The following PSPC1 variants were observed in gnomAD, a reference collection of about 807,000 sequenced individuals.
PSPC1 encodes paraspeckle component 1.
A neutral mutation model predicts 51.6 loss-of-function variants in PSPC1; 14 were observed. The observed-to-expected ratio is 0.27, with a 90% confidence interval of 0.18 to 0.42. PSPC1 has a LOEUF of 0.42. PSPC1 is among the 10% of genes least tolerant of loss of function. The pLI is 1.00. For missense variants in PSPC1, 406 were observed against 701.1 expected (o/e 0.58, Z 4.75); for synonymous variants, 193 against 231.9 (o/e 0.83, Z 1.53).
intron 1 of PSPC1, among the ~76,000 whole-genome samples, chr13:19,777,429 CAAA>C (rs397938970): frequency 5.4e-4 from 26 of 47,906 alleles, no homozygotes; most frequent in South Asian, 1.5e-3. Flanking sequence ...GACCTCAGCT[CAAA>C]AAAAAAAAAA....
chr13:19,708,152 T>C (rs998981731), intron 7 of PSPC1, among the ~76,000 whole-genome samples: 4 of 152,196 alleles, frequency 2.6e-5, no homozygotes, highest in African/African-American at 9.7e-5. Flanking sequence ...TGACTCTACA[T>C]TATCTGATTA....
At chr13:19,690,447 T>C (rs909269840) in intron 6 of PSPC1, among the ~76,000 whole-genome samples, 29 of 152,208 alleles carry the variant, frequency 1.9e-4, no homozygotes, top group Non-Finnish European at 3.8e-4. Flanking sequence ...TTCTCTTCAA[T>C]GTATAACAAA....
At chr13:19,688,796 C>T (rs950353799) in intron 6 of PSPC1, among the ~76,000 whole-genome samples, 4 of 152,114 alleles carry the variant, frequency 2.6e-5, no homozygotes, top group African/African-American at 9.7e-5. Flanking sequence ...ATAACAATGA[C>T]ATAATCTCTT....
intron 4 of PSPC1, among the ~76,000 whole-genome samples, chr13:19,746,011 T>TC (rs1885939745): frequency 6.8e-6 from 1 of 147,972 alleles, no homozygotes; most frequent in Non-Finnish European, 1.5e-5. Context: ...TGTTTTTTGT[T>TC]TTTTTTTTTT....
In PSPC1 at chr13:19,771,635, T is replaced by G. The variant is rs536236626; in HGVS notation, c.674+607A>C. Among the ~76,000 whole-genome samples the G allele has an allele frequency of 1.0e-3, 122 of 119,574 alleles. 1 individual carries two copies. Among genetic ancestry groups the G allele is most frequent in the African/African-American group, 3.4e-3 (114 of 33,518 alleles). The allele number at this position is 119,574 out of a possible 152,430, so 78.4% of individuals were successfully genotyped here. A position where few individuals can be genotyped will look rare whatever the true frequency, so the allele number is the denominator to read the frequency against. On this transcript the variant is annotated intron_variant, in intron 2 of 8. Transcript: ENST00000338910. ...ATTTTTAGAAGAGATGAGGTTTTGT[T>G]TTTTTTTTTGAGACAGAGTCTGTCA...
At chr13:19,739,743 C>A (rs1885230410) in intron 5 of PSPC1, among the ~76,000 whole-genome samples, 1 of 150,496 alleles carries the variant, frequency 6.6e-6, no homozygotes, top group East Asian at 1.9e-4. Context: ...AACTCCGTCT[C>A]CAAAATAAAA....
downstream of PSPC1, chr13:19,672,848 C>T: frequency 3.0e-6 from 1 of 332,924 alleles, no homozygotes; most frequent in Non-Finnish European, 5.9e-6. Context: ...ACCTATAATC[C>T]CAGCGCTTTG....
At chr13:19,733,488 C>T (rs1349902787) in intron 5 of PSPC1, among the ~76,000 whole-genome samples, 1 of 152,042 alleles carries the variant, frequency 6.6e-6, no homozygotes, top group Non-Finnish European at 1.5e-5. Flanking sequence ...CGGCCATGCA[C>T]AGTGACTCAT....
At chr13:19,694,357 A>G (rs1878962107) in intron 6 of PSPC1, among the ~76,000 whole-genome samples, 1 of 152,030 alleles carries the variant, frequency 6.6e-6, no homozygotes, top group Non-Finnish European at 1.5e-5. Flanking sequence ...ATTTCAAACC[A>G]CATGTGAAAT....
At chr13:19,781,201 G>A (rs576598345) in intron 1 of PSPC1, among the ~76,000 whole-genome samples, 46 of 151,364 alleles carry the variant, frequency 3.0e-4, no homozygotes, top group Admixed American at 5.9e-4. Context: ...GTTTTGAGAC[G>A]GGATCTCGCT....
chr13:19,696,250 A>G (rs1055616006), intron 6 of PSPC1, among the ~76,000 whole-genome samples: 1 of 152,220 alleles, frequency 6.6e-6, no homozygotes, highest in African/African-American at 2.4e-5. Context: ...TACAATTAAG[A>G]AACAAATCTC....
intron 8 of PSPC1, among the ~76,000 whole-genome samples, chr13:19,703,701 T>C (rs1880253126): frequency 6.6e-6 from 1 of 152,042 alleles, no homozygotes; most frequent in South Asian, 2.1e-4. Context: ...TTATATTGCA[T>C]GAAACTACGC....
chr13:19,681,353 A>T (rs1429150419), intron 6 of PSPC1, among the ~76,000 whole-genome samples: 2 of 152,200 alleles, frequency 1.3e-5, no homozygotes, highest in Non-Finnish European at 2.9e-5. Context: ...CCCTGAAGAC[A>T]CAAGATCTAC....
intron 5 of PSPC1, among the ~76,000 whole-genome samples, chr13:19,733,608 A>G (rs1182124207): frequency 1.3e-5 from 2 of 151,700 alleles, no homozygotes; most frequent in African/African-American, 4.8e-5. Context: ...TAAAAATACA[A>G]AAAAATTACC....
rs1434786791 is a variant in PSPC1 at position 19,782,633 on chromosome 13, G to T, written c.125C>A (p.Ala42Asp). 3 of 1,569,840 alleles carry T rather than the reference G, an allele frequency of 1.9e-6. No individual in the cohort carries two copies. Among genetic ancestry groups the T allele is most frequent in the Admixed American group, 1.9e-5 (1 of 52,420 alleles). Residue 42 changes from alanine (A) to aspartate (D), a missense_variant, in exon 1 of 9, where the codon GCC becomes GAC. Ala to Asp is a moderately radical substitution (Grantham distance 126). This residue lies in a region of PSPC1 where 128 missense variants were observed against 107.1 expected (regional missense o/e 1.20). Coordinates refer to ENST00000338910, the MANE Select transcript of PSPC1 (RefSeq NM_001354909.2). This position sits in a 1 kb window ranked among gnomAD's most constrained non-coding sequence, Gnocchi z 4.5. ...GGGCGCGGGCGGTGCCGGCTCCCCG[G>T]CAAGAGCGAGCGCCATGGCTGCCGC... Reference protein sequence around the residue: ...AAAAAMALALAGEPAPPAPAP... With the variant: ...AAAAAMALALDGEPAPPAPAP...
downstream of PSPC1, among the ~76,000 whole-genome samples, chr13:19,673,772 A>G (rs975805233): frequency 3.3e-5 from 5 of 152,206 alleles, no homozygotes; most frequent in African/African-American, 7.2e-5. Context: ...AAATAGTTCA[A>G]ATTATCCGGG....
intron 7 of PSPC1, chr13:19,677,715 C>T (rs181803718): frequency 8.8e-6 from 4 of 454,734 alleles, no homozygotes; most frequent in East Asian, 6.6e-5. Context: ...TGAGCAGATA[C>T]GGACTGACCT....
At chr13:19,769,024 C>T (rs1888353442) in intron 2 of PSPC1, among the ~76,000 whole-genome samples, 1 of 150,884 alleles carries the variant, frequency 6.6e-6, no homozygotes, top group Admixed American at 6.6e-5. Flanking sequence ...CCTGTAGTCC[C>T]AGCTACTCAG....
At chr13:19,755,717 T>C (rs1318162866) in intron 3 of PSPC1, among the ~76,000 whole-genome samples, 1 of 152,166 alleles carries the variant, frequency 6.6e-6, no homozygotes, top group Non-Finnish European at 1.5e-5. Context: ...AATGAATGAA[T>C]GCTCCCTTCT....
Sources: allele counts gnomAD v4.1 joint callset (sites outside exome capture counted in the v4.1 genomes callset), GRCh38; gene constraint gnomAD v4.1.1; regional missense constraint gnomAD v4.1.1; non-coding constraint Gnocchi (gnomAD v3.1); transcripts MANE v1.5; gene names NCBI Gene and HGNC (gene_info 2026-07-23, HGNC 2026-07-21).